NRG3: variants seen among roughly 807,000 people sequenced by gnomAD.
NRG3 encodes pro-neuregulin-3, membrane-bound isoform.
A neutral mutation model predicts 66.9 loss-of-function variants in NRG3; 31 were observed. The observed-to-expected ratio is 0.46, with a 90% CI of 0.35 to 0.63. The LOEUF is 0.63. NRG3 is among the 20% of genes least tolerant of loss of function. The pLI is 0.00. For missense variants in NRG3, 910 were observed against 878.9 expected (o/e 1.04, Z -0.45); for synonymous variants, 393 against 359.4 (o/e 1.09, Z -1.06).
At chr10:82,506,282 G>A (rs1009610346) in intron 2 of NRG3, among the ~76,000 whole-genome samples, 9 of 152,276 alleles carry the variant, frequency 5.9e-5, no homozygotes, top group Admixed American at 2.0e-4. Context: ...GAGACTTTGC[G>A]AGGAATGTTG....
chr10:82,982,046 T>A (rs1043306122), intron 8 of NRG3, among the ~76,000 whole-genome samples: 1 of 152,186 alleles, frequency 6.6e-6, no homozygotes. Context: ...AGAGCTGCGA[T>A]TGAATACTGG....
At chr10:82,979,811 C>G (rs1447434617) in intron 8 of NRG3, among the ~76,000 whole-genome samples, 1 of 152,164 alleles carries the variant, frequency 6.6e-6, no homozygotes, top group Non-Finnish European at 1.5e-5. Flanking sequence ...GCGATCCTTG[C>G]TTAAACTGAC....
At chr10:82,296,870 C>T (rs1002747545) in intron 1 of NRG3, among the ~76,000 whole-genome samples, 1 of 151,854 alleles carries the variant, frequency 6.6e-6, no homozygotes, top group Non-Finnish European at 1.5e-5. Context: ...TCTAGTGAAC[C>T]CATCTTCTAA....
intron 2 of NRG3, among the ~76,000 whole-genome samples, chr10:82,583,086 G>T (rs1005798051): frequency 1.3e-5 from 2 of 152,258 alleles, no homozygotes; most frequent in South Asian, 4.1e-4. Flanking sequence ...TGTTTCAATG[G>T]TTTTAATGGG....
intron 1 of NRG3, among the ~76,000 whole-genome samples, chr10:82,338,196 T>C (rs1275034474): frequency 6.6e-6 from 1 of 152,182 alleles, no homozygotes; most frequent in African/African-American, 2.4e-5. Flanking sequence ...GATAGTAAAG[T>C]TGTAGGTAGT....
At chr10:82,107,250 T>C (rs1043328080) in intron 1 of NRG3, among the ~76,000 whole-genome samples, 1 of 152,230 alleles carries the variant, frequency 6.6e-6, no homozygotes, top group Non-Finnish European at 1.5e-5. Context: ...CAAAATGTTT[T>C]AAATTTTGGA....
chr10:82,101,026 T>C (rs1564562987), intron 1 of NRG3, among the ~76,000 whole-genome samples: 1 of 152,032 alleles, frequency 6.6e-6, no homozygotes, highest in Non-Finnish European at 1.5e-5. Flanking sequence ...TTAGTAGATA[T>C]AGAACTCTTC....
chr10:82,582,981 A>C (rs771092102), intron 2 of NRG3, among the ~76,000 whole-genome samples: 2 of 152,190 alleles, frequency 1.3e-5, no homozygotes, highest in African/African-American at 4.8e-5. Context: ...AATCTAGCAC[A>C]GCAGACTGAG....
chr10:82,748,564 C>T (rs1247403640), intron 3 of NRG3, among the ~76,000 whole-genome samples: 1 of 150,114 alleles, frequency 6.7e-6, no homozygotes, highest in Non-Finnish European at 1.5e-5. Flanking sequence ...GTGTATCTCC[C>T]AATTTTCTGC....
chr10:82,539,450 T>A (rs1232261678), intron 2 of NRG3, among the ~76,000 whole-genome samples: 1 of 152,176 alleles, frequency 6.6e-6, no homozygotes, highest in Non-Finnish European at 1.5e-5. Context: ...CTAATGATAT[T>A]TACATACATC....
chr10:82,740,202 T>G (rs2058355600), intron 3 of NRG3, among the ~76,000 whole-genome samples: 1 of 150,982 alleles, frequency 6.6e-6, no homozygotes, highest in Non-Finnish European at 1.5e-5. Flanking sequence ...CCTCCCTTCC[T>G]CTCTTCCTTT....
At chr10:82,533,890 A>G (rs1016763179) in intron 2 of NRG3, among the ~76,000 whole-genome samples, 4 of 152,208 alleles carry the variant, frequency 2.6e-5, no homozygotes, top group Non-Finnish European at 5.9e-5. Context: ...AAATGTTAGA[A>G]CTAATAAATG....
chr10:82,166,051 T>A (rs186559264), intron 1 of NRG3, among the ~76,000 whole-genome samples: 1 of 152,132 alleles, frequency 6.6e-6, no homozygotes, highest in Non-Finnish European at 1.5e-5. Flanking sequence ...TGATGGAGTT[T>A]CACTCTTGTT....
chr10:82,509,824 A>C (rs1045754332), intron 2 of NRG3, among the ~76,000 whole-genome samples: 2 of 152,078 alleles, frequency 1.3e-5, no homozygotes, highest in African/African-American at 2.4e-5. Flanking sequence ...ATTATGGTCA[A>C]CCTCCTGTCA....
chr10:82,061,846 C>G (rs1486434540), intron 1 of NRG3, among the ~76,000 whole-genome samples: 1 of 147,832 alleles, frequency 6.8e-6, no homozygotes, highest in Non-Finnish European at 1.5e-5. Flanking sequence ...GTCCCTTTCT[C>G]TCTCTCTCTC....
intron 2 of NRG3, among the ~76,000 whole-genome samples, chr10:82,629,933 G>A (rs1472392833): frequency 6.6e-6 from 1 of 152,126 alleles, no homozygotes; most frequent in Non-Finnish European, 1.5e-5. Flanking sequence ...AAGAGAAAGG[G>A]AGTGAAAAGC....
intron 1 of NRG3, among the ~76,000 whole-genome samples, chr10:82,178,535 T>C (rs1049081496): frequency 3.9e-5 from 6 of 152,182 alleles, no homozygotes; most frequent in African/African-American, 7.2e-5. Context: ...GATCCATCCA[T>C]GTTGTAGCAT....
At chr10:82,014,009 G>A (rs529936243) in intron 1 of NRG3, among the ~76,000 whole-genome samples, 2 of 152,104 alleles carry the variant, frequency 1.3e-5, no homozygotes, top group African/African-American at 2.4e-5. Context: ...GAGTAGAAGC[G>A]TTTGGGAGAA....
rs1391602606 is a variant in NRG3 at position 82,636,593 on chromosome 10, A to T, written c.954-101984A>T. On this transcript the variant is annotated intron_variant, in intron 2 of 8. Transcript: ENST00000372141. ...TATCCATGTTGCAGCAAATGGCAGG[A>T]TTTCCTACTATTTAAAGGCTGAATA... is the stretch of plus-strand genomic sequence containing the variant. 2.6e-5 allele frequency among the ~76,000 whole-genome samples: 4 copies of T among 152,242 alleles called. No individual in the cohort carries two copies. The East Asian group carries it at 7.7e-4, about 29-fold the overall frequency.
Sources: gnomAD v4.1 joint callset for allele counts (sites outside exome capture counted in the v4.1 genomes callset) on GRCh38, gnomAD v4.1.1 for gene constraint, MANE v1.5 for transcripts, NCBI Gene and HGNC (gene_info 2026-07-23, HGNC 2026-07-21) for gene names.